The following EBNA1BP2 variants were observed in gnomAD, a reference collection of about 807,000 sequenced individuals.
EBNA1BP2 encodes the protein EBNA1 binding protein 2, also known as probable rRNA-processing protein EBP2.
EBNA1BP2 carries 36 observed loss-of-function variants against 43.5 expected under a neutral mutation model. That is an observed-to-expected ratio of 0.83 (90% CI 0.63 to 1.09). EBNA1BP2 has a LOEUF of 1.09. EBNA1BP2 is among the 50% of genes least tolerant of loss of function. The pLI is 0.00. For missense variants in EBNA1BP2, 332 were observed against 379.1 expected, an observed-to-expected ratio of 0.88 and a Z score of 1.03; for synonymous variants, 127 against 141.3, an observed-to-expected ratio of 0.90 and a Z score of 0.72.
At chr1:43,164,897 C>CA (rs1351189668) in intron 7 of EBNA1BP2, 92 bp from the exon 8 acceptor site, 1 of 1,512,916 alleles carries the variant, frequency 6.6e-7, no homozygotes, top group Non-Finnish European at 8.9e-7. Context: ...TTTCTATAAG[C>CA]AAAGCCCCTT....
rs1443960749 is a variant in EBNA1BP2, at chr1:43,167,339, AT to A, written c.538-105del. 47 of 1,102,754 alleles carry A rather than the reference AT, an allele frequency of 4.3e-5. No homozygotes were observed. The Middle Eastern group carries it at 1.0e-3, about 23-fold the overall frequency. The allele number at this position is 1,102,754 out of a possible 1,614,324, so 68.3% of individuals were successfully genotyped here. A position where few individuals can be genotyped will look rare whatever the true frequency, so the allele number is the denominator to read the frequency against. On this transcript the variant is annotated intron_variant, in intron 5 of 8. Transcript: ENST00000236051. Reference sequence around the variant, plus strand: ...ATGATTAATACCACTACCCTCTGACATTTACTACGTGCCAAAAACTGTGTTA... The same window carrying A: ...ATGATTAATACCACTACCCTCTGACATTACTACGTGCCAAAAACTGTGTTA...
rs761396629 is a variant in EBNA1BP2 at position 43,171,566 on chromosome 1, T to A, written c.236A>T (p.Glu79Val). The change falls in exon 3 of 9, where the codon GAG (glutamate) becomes GTG (valine). Residue 79 changes from glutamate (E) to valine (V), a missense_variant. Around this residue, in one of 3 missense-constraint regions of EBNA1BP2, gnomAD observed 182 missense variants for 173.7 expected, o/e 1.05. Transcript: ENST00000236051. The part of the protein sequence containing the change: ...RLDVTLGPVP[E>V]IGGSEAPAPQ... ...TGCTGGCGCCTCAGATCCACCGATC[T>A]CCGGTACCGGACCCAGTGTCACATC... 13 of 1,614,214 alleles carry A rather than the reference T, an allele frequency of 8.1e-6. No individual in the cohort carries two copies. The highest frequency in any genetic ancestry group is 1.1e-5 in the Non-Finnish European group (13 of 1,180,040).
Position 43,170,781 on chromosome 1 carries a change from G to C in EBNA1BP2, c.422C>G (p.Ala141Gly), listed in dbSNP as rs932529348. Residue 141 changes from alanine (A) to glycine (G), a missense_variant, in exon 4 of 9, where the codon GCC becomes GGC. Coordinates refer to ENST00000236051, the MANE Select transcript of EBNA1BP2 (RefSeq NM_006824.3). Reference protein sequence around the residue: ...KRPTDYFAEMAKSDLQMQKIR... With the variant: ...KRPTDYFAEMGKSDLQMQKIR... ...CTTCTGCATCTGCAGATCAGATTTGGCCATTTCCGCAAAATAATCAGTGGG... is the reference window on the plus strand; with the variant it reads ...CTTCTGCATCTGCAGATCAGATTTGCCCATTTCCGCAAAATAATCAGTGGG... 4 of 1,607,098 alleles carry C rather than the reference G, an allele frequency of 2.5e-6. No individual in the cohort carries two copies. In the Admixed American group the frequency reaches 5.1e-5, roughly 21 times the overall value.
intron 7 of EBNA1BP2, among the ~76,000 whole-genome samples, chr1:43,166,492 C>T (rs972158024): frequency 2.0e-5 from 3 of 152,130 alleles, no homozygotes; most frequent in Non-Finnish European, 4.4e-5. Context: ...ACCTGTAGTT[C>T]CAGCTACTCA....
At chr1:43,167,862 C>A (rs546240069) in intron 5 of EBNA1BP2, among the ~76,000 whole-genome samples, 1 of 152,032 alleles carries the variant, frequency 6.6e-6, no homozygotes, top group Non-Finnish European at 1.5e-5. Flanking sequence ...GGATATTTAG[C>A]GGCACCCCTG....
At position 43,172,176 on chromosome 1, in the gene EBNA1BP2, C is replaced by G; in HGVS notation, c.-58G>C. ...GAAACGGGGTATCCCGAGACCCAAG[C>G]GGCTAGCAGAGGGCGGCCCTGGCCG... On this transcript the variant is annotated 5_prime_UTR_variant, in exon 1 of 9. Transcript: ENST00000236051. 6 of 1,610,822 alleles carry G rather than the reference C, an allele frequency of 3.7e-6. No individual in the cohort carries two copies. The highest frequency in any genetic ancestry group is 5.1e-6 in the Non-Finnish European group (6 of 1,178,390).
chr1:43,170,998 C>A, intron 3 of EBNA1BP2, 119 bp from the exon 4 acceptor site: 2 of 1,356,640 alleles, frequency 1.5e-6, no homozygotes, highest in Non-Finnish European at 1.9e-6. Context: ...CCTCCATTAG[C>A]AAGAACAAAC....
chr1:43,169,783 A>G (rs139060190), intron 4 of EBNA1BP2, among the ~76,000 whole-genome samples: 74 of 152,294 alleles, frequency 4.9e-4, no homozygotes, highest in Non-Finnish European at 9.3e-4. Context: ...ACCAGGCCGC[A>G]CAGCAGAAAG....
intron 3 of EBNA1BP2, 69 bp downstream of exon 3, chr1:43,171,410 A>G: frequency 6.7e-7 from 1 of 1,493,282 alleles, no homozygotes; most frequent in Non-Finnish European, 9.1e-7. Flanking sequence ...CAGACTTACT[A>G]ATTTCCCCTC....
intron 7 of EBNA1BP2, among the ~76,000 whole-genome samples, chr1:43,165,786 C>T (rs1644914125): frequency 6.6e-6 from 1 of 152,122 alleles, no homozygotes; most frequent in Non-Finnish European, 1.5e-5. Context: ...CTTACTGTTC[C>T]TCACAAAACC....
At chr1:43,165,930 T>C (rs1301409334) in intron 7 of EBNA1BP2, among the ~76,000 whole-genome samples, 1 of 152,160 alleles carries the variant, frequency 6.6e-6, no homozygotes, top group East Asian at 1.9e-4. Flanking sequence ...CCTCCAGAAA[T>C]CCACCCCAGA....
Position 43,166,954 on chromosome 1 carries a change from T to C in EBNA1BP2, c.614-35A>G, listed in dbSNP as rs74068506. 8.2e-3 allele frequency: 13,155 copies of C among 1,600,922 alleles called. 947 individuals carry two copies. The African/African-American group carries it at 0.16, about 19-fold the overall frequency. ...AAGAAGTAGTTTTGATCAGCACCAT[T>C]GTATTTTAAGAATAAAAGTTTAAAC... On this transcript the variant is annotated intron_variant, in intron 6 of 8. Transcript: ENST00000236051.
chr1:43,170,916 G>C, intron 3 of EBNA1BP2, 37 bp from the exon 4 acceptor site: 2 of 1,518,862 alleles, frequency 1.3e-6, no homozygotes, highest in Non-Finnish European at 1.8e-6. Context: ...ATGAGGTGAA[G>C]GAGGAGGCCT....
rs1644959463 is a variant in EBNA1BP2, at chr1:43,170,959, C to A, written c.324-80G>T. The A allele has an allele frequency of 2.8e-6, 4 of 1,453,822 alleles. No individual in the cohort carries two copies. The African/African-American group carries it at 4.4e-5, about 16-fold the overall frequency. 90.1% of individuals were successfully genotyped at this position (1,453,822 alleles called of 1,614,324 possible). ...CTTTTCACCGCCAATCATGAGTTAT[C>A]CAAGCTCAGAAGGACTCTCAAAATC... On this transcript the variant is annotated intron_variant, in intron 3 of 8. Transcript: ENST00000236051.
upstream of EBNA1BP2, chr1:43,172,537 G>C (rs972294217): frequency 1.1e-5 from 14 of 1,277,738 alleles, no homozygotes; most frequent in Admixed American, 2.2e-5. Flanking sequence ...GAGCCGCGGG[G>C]GTGGGGTGGC....
Position 43,164,508 on chromosome 1 carries a change from A to G in EBNA1BP2, c.871-15T>C. ...CCAGGTCTCTTCTACAGAAAAAGAC[A>G]TACCACATCTGGTCACATAGCAGCT... On this transcript the variant is annotated splice_polypyrimidine_tract_variant and intron_variant, in intron 8 of 8. Coordinates refer to ENST00000236051, the MANE Select transcript of EBNA1BP2 (RefSeq NM_006824.3). 1 of 1,614,216 alleles carries G rather than the reference A, an allele frequency of 6.2e-7. No individual in the cohort carries two copies. Among genetic ancestry groups the G allele is most frequent in the South Asian group, 1.1e-5 (1 of 91,092 alleles).
upstream of EBNA1BP2, chr1:43,172,433 T>G (rs1364971902): frequency 1.3e-6 from 2 of 1,550,550 alleles, no homozygotes; most frequent in Non-Finnish European, 1.7e-6. Context: ...CGTGGTCTGC[T>G]GACCCAGAGA....
chr1:43,171,594 G>A lies in EBNA1BP2; in HGVS notation c.208C>T (p.Leu70Phe). ...FKRDLEWVERLDVTLGPVPEI... is the reference protein window; with the variant it reads ...FKRDLEWVERFDVTLGPVPEI... ...GGTACCGGACCCAGTGTCACATCGA[G>A]CCTTTCAACCCATTCCAGATCCCGC... The change falls in exon 3 of 9, where the codon CTC (leucine) becomes TTC (phenylalanine). Residue 70 changes from leucine to phenylalanine, a missense_variant. Transcript: ENST00000236051. 1 of 1,614,146 alleles carries A rather than the reference G, an allele frequency of 6.2e-7. No individual in the cohort carries two copies. Among genetic ancestry groups the A allele is most frequent in the Non-Finnish European group, 8.5e-7 (1 of 1,180,028 alleles).
intron 7 of EBNA1BP2, among the ~76,000 whole-genome samples, chr1:43,165,094 T>C (rs181315467): frequency 2.0e-5 from 3 of 152,324 alleles, no homozygotes; most frequent in Admixed American, 2.0e-4. Context: ...CTTTCTATTT[T>C]AACCAAATCT....
Sources: allele counts gnomAD v4.1 joint callset (sites outside exome capture counted in the v4.1 genomes callset), GRCh38; gene constraint gnomAD v4.1.1; regional missense constraint gnomAD v4.1.1; transcripts MANE v1.5; gene names NCBI Gene and HGNC (gene_info 2026-07-23, HGNC 2026-07-21).